Variants in RPS23 observed in about 807,000 individuals in gnomAD.
RPS23 encodes the protein ribosomal protein S23, also known as small ribosomal subunit protein uS12.
For synonymous variants in RPS23, 66 were observed against 60.4 expected (o/e 1.09, Z -0.43); for missense variants, 73 against 174.5 (o/e 0.42, Z 3.28).
intron 2 of RPS23, chr5:82,276,814 T>C (rs1255849397): frequency 2.5e-5 from 7 of 285,132 alleles, no homozygotes; most frequent in Non-Finnish European, 3.7e-5. Flanking sequence ...AACGTCAAGA[T>C]GGCCAGCCTG....
At chr5:82,277,275 C>A in intron 2 of RPS23, 3 of 198,356 alleles carry the variant, frequency 1.5e-5, no homozygotes, top group Non-Finnish European at 2.0e-5. Context: ...AAAGTCAAAA[C>A]CAGTCAAATA....
intron 1 of RPS23, 152 bp from the exon 2 acceptor site, chr5:82,278,004 T>C (rs944915322): frequency 1.3e-6 from 1 of 748,388 alleles, no homozygotes; most frequent in Non-Finnish European, 2.2e-6. Flanking sequence ...GGCCTTCAAG[T>C]TGCCCTGAAC....
intron 1 of RPS23, 59 bp from the exon 2 acceptor site, chr5:82,277,911 T>C (rs1348679130): frequency 6.9e-7 from 1 of 1,456,382 alleles, no homozygotes; most frequent in African/African-American, 1.4e-5. Flanking sequence ...GTTTCCCATC[T>C]TCTAAGACAC....
chr5:82,275,538 T>C lies in RPS23; in HGVS notation c.*571A>G. On this transcript the variant is annotated 3_prime_UTR_variant, in exon 4 of 4. Transcript: ENST00000296674. ...AAATGATCCAATGCCTGTATTCTCCTAAACACATTAATGTAGACACATTAC... is the reference window on the plus strand; with the variant it reads ...AAATGATCCAATGCCTGTATTCTCCCAAACACATTAATGTAGACACATTAC... 1.8e-6 allele frequency: 1 copy of C among 570,224 alleles called. No homozygotes were observed. Among genetic ancestry groups the C allele is most frequent in the African/African-American group, 1.9e-5 (1 of 53,464 alleles). 35.3% of individuals were successfully genotyped at this position (570,224 alleles called of 1,614,324 possible). A position where few individuals can be genotyped will look rare whatever the true frequency, so the allele number is the denominator to read the frequency against.
chr5:82,275,207 AC>A lies in RPS23; in HGVS notation c.*901del, dbSNP rs1466415804. 2 of 702,598 alleles carry A rather than the reference AC, an allele frequency of 2.8e-6. No homozygotes were observed. The highest frequency in any genetic ancestry group is 5.2e-6 in the Non-Finnish European group (2 of 384,990). The allele number at this position is 702,598 out of a possible 1,614,324, so 43.5% of individuals were successfully genotyped here. On this transcript the variant is annotated 3_prime_UTR_variant, in exon 4 of 4. Coordinates refer to ENST00000296674, the MANE Select transcript of RPS23 (RefSeq NM_001025.5). ...TCAAAGGGCTAATTAACCCATACTT[AC>A]TATTTGTTAACAGGAGTTTCTTACA...
Position 82,276,044 on chromosome 5 carries a change from C to A in RPS23, c.*65G>T. 1 of 1,448,446 alleles carries A rather than the reference C, an allele frequency of 6.9e-7. No individual in the cohort carries two copies. The allele number at this position is 1,448,446 out of a possible 1,614,324, so 89.7% of individuals were successfully genotyped here. On this transcript the variant is annotated 3_prime_UTR_variant, in exon 4 of 4. Transcript: ENST00000296674. ...TGATCTTCGTGGTGAGAACAGGGGA[C>A]AGTAAGATACAAACATTTTTTGGCA...
At chr5:82,277,268 G>A in intron 2 of RPS23, 1 of 191,914 alleles carries the variant, frequency 5.2e-6, no homozygotes. Flanking sequence ...ATTTTAAAAA[G>A]TCAAAACCAG....
rs1020806689 is a variant in RPS23, at chr5:82,273,800, A to T, written c.*2309T>A. On this transcript the variant is annotated 3_prime_UTR_variant, in exon 4 of 4. Transcript: ENST00000296674. Reference sequence around the variant, plus strand: ...TTGAACTCCTGGCCTCAAGCTATTAATTTCTTCCCAACTCAGCCTCCCAAA... The same window carrying T: ...TTGAACTCCTGGCCTCAAGCTATTATTTTCTTCCCAACTCAGCCTCCCAAA... 1 of 152,098 alleles carries T rather than the reference A, an allele frequency of 6.6e-6. No individual in the cohort carries two copies. The highest frequency in any genetic ancestry group is 2.4e-5 in the African/African-American group (1 of 41,410). The allele number at this position is 152,098 out of a possible 1,614,324, so 9.4% of individuals were successfully genotyped here.
At chr5:82,277,541 T>G (rs759812203) in intron 2 of RPS23, 152 bp downstream of exon 2, 42 of 803,398 alleles carry the variant, frequency 5.2e-5, no homozygotes, top group Non-Finnish European at 7.1e-5. Context: ...TACCAACTTT[T>G]AAATAGAACA....
rs1747741587 is a variant in RPS23 at position 82,275,012 on chromosome 5, A to G, written c.*1097T>C. On this transcript the variant is annotated 3_prime_UTR_variant, in exon 4 of 4. Coordinates refer to ENST00000296674, the MANE Select transcript of RPS23 (RefSeq NM_001025.5). ...CAACTGAGACCAGTGTTGCTGGAGCACAAAGTGCCAAGGAGAGAAATGGCA... is the reference window on the plus strand; with the variant it reads ...CAACTGAGACCAGTGTTGCTGGAGCGCAAAGTGCCAAGGAGAGAAATGGCA... 4 of 552,488 alleles carry G rather than the reference A, an allele frequency of 7.2e-6. No individual in the cohort carries two copies. In the African/African-American group the frequency reaches 7.5e-5, roughly 10 times the overall value. 34.2% of individuals were successfully genotyped at this position (552,488 alleles called of 1,614,324 possible).
Position 82,274,987 on chromosome 5 carries a change from C to A in RPS23, c.*1122G>T. On this transcript the variant is annotated 3_prime_UTR_variant, in exon 4 of 4. Coordinates refer to ENST00000296674, the MANE Select transcript of RPS23 (RefSeq NM_001025.5). ...TATGGAACCCAAGTTTGAGGATGAC[C>A]AACTGAGACCAGTGTTGCTGGAGCA... is the stretch of plus-strand genomic sequence containing the variant. 2.0e-6 allele frequency: 1 copy of A among 509,208 alleles called. No individual in the cohort carries two copies. Among genetic ancestry groups the A allele is most frequent in the African/African-American group, 1.9e-5 (1 of 52,262 alleles). The allele number at this position is 509,208 out of a possible 1,614,324, so 31.5% of individuals were successfully genotyped here. A position where few individuals can be genotyped will look rare whatever the true frequency, so the allele number is the denominator to read the frequency against.
At chr5:82,276,794 C>G in intron 2 of RPS23, 1 of 367,224 alleles carries the variant, frequency 2.7e-6, no homozygotes. Context: ...GTGGGAGGAT[C>G]TATGCCTAGA....
chr5:82,274,019 C>A lies in RPS23; in HGVS notation c.*2090G>T, dbSNP rs1368609857. 2.0e-5 allele frequency: 3 copies of A among 152,100 alleles called. No homozygotes were observed. The highest frequency in any genetic ancestry group is 2.9e-5 in the Non-Finnish European group (2 of 68,020). 9.4% of individuals were successfully genotyped at this position (152,100 alleles called of 1,614,324 possible). ...AGTCTGTTTTCAGTTTTATAGCTTT[C>A]CATTTTACATTTAGATATATGATCC... On this transcript the variant is annotated 3_prime_UTR_variant, in exon 4 of 4. Coordinates refer to ENST00000296674, the MANE Select transcript of RPS23 (RefSeq NM_001025.5).
At chr5:82,276,938 C>G (rs1461711914) in intron 2 of RPS23, 1 of 169,742 alleles carries the variant, frequency 5.9e-6, no homozygotes, top group African/African-American at 2.4e-5. Context: ...AATTCCAGCA[C>G]TTTCGGAGGC....
At position 82,274,054 on chromosome 5, in the gene RPS23, TAA is replaced by T. The variant is rs1477795896; in HGVS notation, c.*2053_*2054del. On this transcript the variant is annotated 3_prime_UTR_variant, in exon 4 of 4. Transcript: ENST00000296674. ...TTTAGATATATGATCCATTTTGAGT[TAA>T]GTTTGTATTACATGTAAGGTTGGGG... The T allele has an allele frequency of 1.3e-5, 2 of 152,244 alleles. No individual in the cohort carries two copies. Among genetic ancestry groups the T allele is most frequent in the African/African-American group, 2.4e-5 (1 of 41,462 alleles). 9.4% of individuals were successfully genotyped at this position (152,244 alleles called of 1,614,324 possible). A position where few individuals can be genotyped will look rare whatever the true frequency, so the allele number is the denominator to read the frequency against.
At position 82,276,029 on chromosome 5, in the gene RPS23, G is replaced by T; in HGVS notation, c.*80C>A. The T allele has an allele frequency of 7.4e-7, 1 of 1,343,848 alleles. No individual in the cohort carries two copies. Among genetic ancestry groups the T allele is most frequent in the Non-Finnish European group, 1.0e-6 (1 of 970,768 alleles). The allele number at this position is 1,343,848 out of a possible 1,614,324, so 83.2% of individuals were successfully genotyped here. Reference sequence around the variant, plus strand: ...TGGTGGTAATGAACATGATCTTCGTGGTGAGAACAGGGGACAGTAAGATAC... The same window carrying T: ...TGGTGGTAATGAACATGATCTTCGTTGTGAGAACAGGGGACAGTAAGATAC... On this transcript the variant is annotated 3_prime_UTR_variant, in exon 4 of 4. Coordinates refer to ENST00000296674, the MANE Select transcript of RPS23 (RefSeq NM_001025.5).
chr5:82,278,213 G>A, intron 1 of RPS23, 107 bp downstream of exon 1: 3 of 1,125,588 alleles, frequency 2.7e-6, no homozygotes, highest in Admixed American at 2.2e-5. Context: ...CTCCCCCATG[G>A]AGCCTCTCCA....
chr5:82,275,821 C>A lies in RPS23; in HGVS notation c.*288G>T. 1 of 379,062 alleles carries A rather than the reference C, an allele frequency of 2.6e-6. No homozygotes were observed. The highest frequency in any genetic ancestry group is 4.7e-6 in the Non-Finnish European group (1 of 212,112). 23.5% of individuals were successfully genotyped at this position (379,062 alleles called of 1,614,324 possible). A position where few individuals can be genotyped will look rare whatever the true frequency, so the allele number is the denominator to read the frequency against. ...CCTTAAAGTTCTTAAAGTAATACTA[C>A]AATACTGCACATTTATTCCAGATCT... On this transcript the variant is annotated 3_prime_UTR_variant, in exon 4 of 4. Coordinates refer to ENST00000296674, the MANE Select transcript of RPS23 (RefSeq NM_001025.5).
intron 2 of RPS23, chr5:82,276,732 T>G: frequency 1.6e-6 from 1 of 606,808 alleles, no homozygotes; most frequent in Non-Finnish European, 2.8e-6. Context: ...GTTATAAAAG[T>G]AGACTGGAGT....
Sources: gnomAD v4.1 joint callset for allele counts on GRCh38, gnomAD v4.1.1 for gene constraint, MANE v1.5 for transcripts, NCBI Gene and HGNC (gene_info 2026-07-23, HGNC 2026-07-21) for gene names.